GRB10: variants seen among roughly 807,000 people sequenced by gnomAD.
The protein encoded by GRB10 is growth factor receptor-bound protein 10.
GRB10 carries 20 observed loss-of-function variants against 80.9 expected under a neutral mutation model. The observed-to-expected ratio is 0.25, with a 90% confidence interval of 0.17 to 0.36. The LOEUF (loss-of-function observed/expected upper bound fraction) is 0.36, where lower values mean the gene tolerates loss of function less well. Among genes scored for constraint, GRB10 ranks in the 10% least tolerant of loss-of-function variants. The probability of loss-of-function intolerance (pLI) is 1.00; values close to 1 mark genes in which losing one functional copy is unlikely to be tolerated. For synonymous variants in GRB10, 291 were observed against 291.5 expected, an observed-to-expected ratio of 1.00 and a Z score of 0.02; for missense variants, 548 against 747.7, an observed-to-expected ratio of 0.73 and a Z score of 3.12.
chr7:50,791,159 G>A (rs2078898634), intron 1 of GRB10, among the ~76,000 whole-genome samples: 1 of 152,044 alleles, frequency 6.6e-6, no homozygotes, highest in Non-Finnish European at 1.5e-5. Flanking sequence ...ATGACTTTAG[G>A]GGTACACAAC....
intron 2 of GRB10, among the ~76,000 whole-genome samples, chr7:50,756,833 G>A (rs939549186): frequency 1.3e-5 from 2 of 152,152 alleles, no homozygotes; most frequent in African/African-American, 4.8e-5. Context: ...CACTGCATTG[G>A]AATGCCACTG....
chr7:50,658,339 T>C (rs1337843253), intron 7 of GRB10, among the ~76,000 whole-genome samples: 1 of 152,200 alleles, frequency 6.6e-6, no homozygotes, highest in Non-Finnish European at 1.5e-5. Context: ...GGAAAGTGCA[T>C]TGTCTAGTGG....
At chr7:50,709,713 G>C (rs149378817) in intron 4 of GRB10, among the ~76,000 whole-genome samples, 1 of 152,068 alleles carries the variant, frequency 6.6e-6, no homozygotes, top group African/African-American at 2.4e-5. Context: ...AGTGACTCGT[G>C]GGAGGAAGAA....
chr7:50,771,587 T>C (rs937088460), intron 2 of GRB10, among the ~76,000 whole-genome samples: 1 of 152,210 alleles, frequency 6.6e-6, no homozygotes, highest in African/African-American at 2.4e-5. Flanking sequence ...GCCCTCTCCC[T>C]GTGTTAAAAC....
At chr7:50,659,536 C>T (rs548511805) in intron 7 of GRB10, among the ~76,000 whole-genome samples, 3 of 152,372 alleles carry the variant, frequency 2.0e-5, no homozygotes, top group African/African-American at 7.2e-5. Context: ...AGGCTGGACG[C>T]AGGGCTGCTC....
chr7:50,719,346 C>T (rs796333909), intron 4 of GRB10, among the ~76,000 whole-genome samples: 5 of 152,264 alleles, frequency 3.3e-5, no homozygotes, highest in African/African-American at 1.2e-4. Flanking sequence ...AGACAGAAGG[C>T]CCTGCAAAGG....
intron 7 of GRB10, among the ~76,000 whole-genome samples, chr7:50,657,152 T>C (rs1180122996): frequency 6.6e-6 from 1 of 152,134 alleles, no homozygotes; most frequent in African/African-American, 2.4e-5. Flanking sequence ...TGAAAACATA[T>C]CTAAAATTAT....
chr7:50,792,658 G>A (rs973285767), intron 1 of GRB10: 3 of 392,972 alleles, frequency 7.6e-6, no homozygotes, highest in Non-Finnish European at 9.0e-6. Flanking sequence ...CAAAAAAAAG[G>A]TCCTCCGTAC....
intron 7 of GRB10, among the ~76,000 whole-genome samples, chr7:50,663,728 T>A (rs967853787): frequency 3.3e-5 from 5 of 152,218 alleles, no homozygotes; most frequent in Non-Finnish European, 7.3e-5. Context: ...TGAAAGCCTA[T>A]TTAATGTAAT....
intron 4 of GRB10, 63 bp downstream of exon 4, chr7:50,732,207 CAT>C: frequency 6.0e-6 from 9 of 1,503,600 alleles, no homozygotes; most frequent in Non-Finnish European, 8.3e-6. Flanking sequence ...CTGCTGGCGA[CAT>C]GTGTGCCCTG....
intron 7 of GRB10, among the ~76,000 whole-genome samples, chr7:50,637,193 T>A (rs2055214405): frequency 6.6e-6 from 1 of 152,106 alleles, no homozygotes; most frequent in Admixed American, 6.5e-5. Context: ...TCCAGGCTGG[T>A]CTCGAACTCC....
At chr7:50,787,158 C>T (rs373383498), upstream of GRB10, among the ~76,000 whole-genome samples, 5 of 152,156 alleles carry the variant, frequency 3.3e-5, no homozygotes, top group Admixed American at 6.5e-5. Flanking sequence ...CCAGAAGAGA[C>T]GATGAAGAGA....
rs532394570 is a variant in GRB10 at position 50,728,694 on chromosome 7, C to A, written c.51+3578G>T. Reference sequence around the variant, plus strand: ...AAACTTTAATTTTATTTTTTGAGACCGGGTCTTGCTCTGTCGCCCAGGCTG... The same window carrying A: ...AAACTTTAATTTTATTTTTTGAGACAGGGTCTTGCTCTGTCGCCCAGGCTG... On this transcript the variant is annotated intron_variant, in intron 4 of 18. Transcript: ENST00000401949. Among the ~76,000 whole-genome samples the A allele has an allele frequency of 1.7e-4, 26 of 152,218 alleles. No individual in the cohort carries two copies. The South Asian group carries it at 5.4e-3, about 32-fold the overall frequency.
intron 3 of GRB10, 33 bp from the exon 4 acceptor site, chr7:50,732,401 C>CATA: frequency 8.3e-7 from 1 of 1,211,782 alleles, no homozygotes; most frequent in Non-Finnish European, 1.2e-6. Flanking sequence ...GAAGCCAAGC[C>CATA]AGAAAAAAAA....
intron 7 of GRB10, among the ~76,000 whole-genome samples, chr7:50,639,530 G>A (rs956516310): frequency 1.3e-5 from 2 of 152,106 alleles, no homozygotes; most frequent in South Asian, 4.1e-4. Flanking sequence ...AAAATTAGCC[G>A]GGCGTAGTGG....
chr7:50,652,306 T>G (rs989124387), intron 7 of GRB10, among the ~76,000 whole-genome samples: 3 of 152,198 alleles, frequency 2.0e-5, no homozygotes, highest in African/African-American at 7.2e-5. Context: ...GGCAGCAAGC[T>G]TCTAGGTTCC....
intron 7 of GRB10, among the ~76,000 whole-genome samples, chr7:50,665,676 C>G (rs753961981): frequency 6.6e-6 from 1 of 152,180 alleles, no homozygotes; most frequent in African/African-American, 2.4e-5. Context: ...TGAGACCGAC[C>G]CTGCACTGCT....
In GRB10 at chr7:50,592,098, CAAG is replaced by C. The variant is rs1363201085; in HGVS notation, c.*851_*853del. 1 of 152,210 alleles carries C rather than the reference CAAG, an allele frequency of 6.6e-6. No homozygotes were observed. Among genetic ancestry groups the C allele is most frequent in the African/African-American group, 2.4e-5 (1 of 41,438 alleles). 9.4% of individuals were successfully genotyped at this position (152,210 alleles called of 1,614,324 possible). Reference sequence around the variant, plus strand: ...CCGATGACGGGTGCCAGGTGTGTCTCAAGGAGGCTGGCCCACGTCAATCTAGAG... The same window carrying C: ...CCGATGACGGGTGCCAGGTGTGTCTCGAGGCTGGCCCACGTCAATCTAGAG... On this transcript the variant is annotated 3_prime_UTR_variant, in exon 19 of 19. Coordinates refer to ENST00000401949, the MANE Select transcript of GRB10 (RefSeq NM_001350814.2).
At chr7:50,787,661 T>C (rs535649635), upstream of GRB10, among the ~76,000 whole-genome samples, 3 of 152,116 alleles carry the variant, frequency 2.0e-5, no homozygotes, top group South Asian at 4.2e-4. Context: ...GATGGAGAGA[T>C]GAGGCGACAA....
Sources: allele counts gnomAD v4.1 joint callset (sites outside exome capture counted in the v4.1 genomes callset), GRCh38; gene constraint gnomAD v4.1.1; transcripts MANE v1.5; gene names NCBI Gene and HGNC (gene_info 2026-07-23, HGNC 2026-07-21).